Variants in SLC9A9 observed in about 807,000 individuals in gnomAD.
SLC9A9 encodes the protein sodium/hydrogen exchanger 9.
A neutral mutation model predicts 77.8 loss-of-function variants in SLC9A9; 62 were observed. The observed-to-expected ratio is 0.80, with a 90% confidence interval of 0.65 to 0.98. The LOEUF is 0.98. Among genes scored for constraint, SLC9A9 ranks in the 50% least tolerant of loss-of-function variants. The probability of loss-of-function intolerance (pLI) is 0.00; values close to 1 mark genes in which losing one functional copy is unlikely to be tolerated. For synonymous variants in SLC9A9, 320 were observed against 283.5 expected, an observed-to-expected ratio of 1.13 and a Z score of -1.29; for missense variants, 775 against 774.9, an observed-to-expected ratio of 1.00 and a Z score of 0.00.
intron 5 of SLC9A9, among the ~76,000 whole-genome samples, chr3:143,683,753 A>G (rs1933176538): frequency 1.3e-5 from 2 of 152,252 alleles, no homozygotes; most frequent in Admixed American, 1.3e-4. Context: ...ATGTCAAAGT[A>G]TATTTGTGTT....
At chr3:143,552,574 A>G (rs2036911811) in intron 8 of SLC9A9, 124 bp from the exon 9 acceptor site, 1 of 741,112 alleles carries the variant, frequency 1.3e-6, no homozygotes, top group Non-Finnish European at 2.3e-6. Context: ...AGTAGTTACC[A>G]TGATAATGCA....
At chr3:143,784,257 A>G (rs1190762852) in intron 4 of SLC9A9, among the ~76,000 whole-genome samples, 1 of 152,198 alleles carries the variant, frequency 6.6e-6, no homozygotes, top group Non-Finnish European at 1.5e-5. Context: ...GAGTCATCCT[A>G]TCTCCCTTTC....
chr3:143,489,492 C>T (rs1899217), intron 11 of SLC9A9, among the ~76,000 whole-genome samples: 34,172 of 151,608 alleles, frequency 0.23, 4,034 homozygotes, highest in East Asian at 0.36. Flanking sequence ...TACAATAAAG[C>T]TACAGTAATC....
chr3:143,811,248 C>T (rs971546018), intron 2 of SLC9A9, among the ~76,000 whole-genome samples: 1 of 152,214 alleles, frequency 6.6e-6, no homozygotes, highest in African/African-American at 2.4e-5. Flanking sequence ...CATCATGGCT[C>T]AGGCAGCTTT....
chr3:143,722,472 C>CAAAAAAAAA lies in SLC9A9; in HGVS notation c.534-29174_534-29166dup, dbSNP rs60995925. Among the ~76,000 whole-genome samples, 105 of 58,326 alleles carry CAAAAAAAAA rather than the reference C, an allele frequency of 1.8e-3. 5 individuals are homozygous for CAAAAAAAAA. Among genetic ancestry groups the CAAAAAAAAA allele is most frequent in the East Asian group, 3.3e-3 (4 of 1,222 alleles). The allele number at this position is 58,326 out of a possible 152,430, so 38.3% of individuals were successfully genotyped here. A position where few individuals can be genotyped will look rare whatever the true frequency, so the allele number is the denominator to read the frequency against. On this transcript the variant is annotated intron_variant, in intron 4 of 15. Transcript: ENST00000316549. The stretch of plus-strand genomic sequence containing the variant: ...TGGGCGACAGAGCGAGACTCCATCT[C>CAAAAAAAAA]AAAAAAAAAAAAAAAAAAAAAAAGT...
chr3:143,490,503 G>T (rs2035723722), intron 11 of SLC9A9, among the ~76,000 whole-genome samples: 1 of 152,150 alleles, frequency 6.6e-6, no homozygotes, highest in African/African-American at 2.4e-5. Context: ...AATGGTGGCT[G>T]CCAGGAATTG....
chr3:143,302,921 C>T (rs913331339), intron 14 of SLC9A9, among the ~76,000 whole-genome samples: 8 of 152,200 alleles, frequency 5.3e-5, no homozygotes, highest in Non-Finnish European at 1.5e-5. Flanking sequence ...GTCCCTCCCA[C>T]GTTACAAGTC....
chr3:143,273,591 G>T (rs544540488), intron 14 of SLC9A9, among the ~76,000 whole-genome samples: 5 of 152,180 alleles, frequency 3.3e-5, no homozygotes, highest in African/African-American at 1.2e-4. Context: ...CCAAGCTATG[G>T]TATTTTGTTA....
chr3:143,442,549 C>T (rs1362472545), intron 12 of SLC9A9, among the ~76,000 whole-genome samples: 2 of 152,148 alleles, frequency 1.3e-5, no homozygotes, highest in African/African-American at 2.4e-5. Flanking sequence ...AGGGAAACCC[C>T]GTCTCTACTA....
At chr3:143,438,521 C>T (rs2034667673) in intron 12 of SLC9A9, among the ~76,000 whole-genome samples, 1 of 152,126 alleles carries the variant, frequency 6.6e-6, no homozygotes, top group South Asian at 2.1e-4. Context: ...GAAATCTAGT[C>T]CAGTCATTCC....
At chr3:143,378,223 C>T (rs1576458321) in intron 13 of SLC9A9, among the ~76,000 whole-genome samples, 1 of 152,338 alleles carries the variant, frequency 6.6e-6, no homozygotes, top group East Asian at 1.9e-4. Context: ...TGAATCCTCA[C>T]ATCTACGTTA....
chr3:143,732,529 G>A (rs1384527174), intron 4 of SLC9A9, among the ~76,000 whole-genome samples: 2 of 152,168 alleles, frequency 1.3e-5, no homozygotes, highest in African/African-American at 4.8e-5. Flanking sequence ...GCCTTCAGTT[G>A]CGCGTGTGAC....
At chr3:143,612,394 T>C (rs556805067) in intron 6 of SLC9A9, among the ~76,000 whole-genome samples, 1 of 152,296 alleles carries the variant, frequency 6.6e-6, no homozygotes, top group Admixed American at 6.5e-5. Flanking sequence ...AGACAGTCTC[T>C]CTCTCACTTG....
chr3:143,512,721 C>A (rs934574520), intron 9 of SLC9A9, among the ~76,000 whole-genome samples: 3 of 152,054 alleles, frequency 2.0e-5, no homozygotes, highest in Non-Finnish European at 4.4e-5. Flanking sequence ...ACTAAAAATA[C>A]AAAAATCAGC....
chr3:143,575,416 CT>C (rs1156783652), intron 7 of SLC9A9, among the ~76,000 whole-genome samples: 1 of 152,154 alleles, frequency 6.6e-6, no homozygotes, highest in Non-Finnish European at 1.5e-5. Flanking sequence ...CCTCAGAGGT[CT>C]GTAAACTAGT....
intron 9 of SLC9A9, among the ~76,000 whole-genome samples, chr3:143,529,810 G>T (rs1416662456): frequency 6.6e-6 from 1 of 152,222 alleles, no homozygotes; most frequent in African/African-American, 2.4e-5. Context: ...AGACTAGGAA[G>T]ATTGGACACT....
intron 5 of SLC9A9, among the ~76,000 whole-genome samples, chr3:143,672,425 A>G (rs2039171973): frequency 6.6e-6 from 1 of 152,236 alleles, no homozygotes; most frequent in African/African-American, 2.4e-5. Flanking sequence ...GTGATTAGAG[A>G]GCATGATCAG....
At chr3:143,271,194 C>T (rs1937888130) in intron 14 of SLC9A9, among the ~76,000 whole-genome samples, 2 of 152,168 alleles carry the variant, frequency 1.3e-5, no homozygotes, top group Non-Finnish European at 2.9e-5. Context: ...ATATCCCCAG[C>T]AGATAAGGGG....
chr3:143,807,673 A>G (rs895399196), intron 2 of SLC9A9, among the ~76,000 whole-genome samples: 4 of 152,194 alleles, frequency 2.6e-5, no homozygotes, highest in Admixed American at 1.3e-4. Flanking sequence ...TGATCCTGGG[A>G]GGCGGAGGTT....
Sources: allele counts gnomAD v4.1 joint callset (sites outside exome capture counted in the v4.1 genomes callset), GRCh38; gene constraint gnomAD v4.1.1; transcripts MANE v1.5; gene names NCBI Gene and HGNC (gene_info 2026-07-23, HGNC 2026-07-21).